Variants in SPRYD4 observed in about 807,000 individuals in gnomAD.
The protein encoded by SPRYD4 is SPRY domain-containing protein 4.
In SPRYD4, 12 loss-of-function variants were observed where a neutral mutation model predicts 16.6. The ratio of observed to expected loss-of-function variants is 0.72; its 90% CI spans 0.46 to 1.17. The LOEUF (loss-of-function observed/expected upper bound fraction) is 1.17, where lower values mean the gene tolerates loss of function less well. Ranked by LOEUF, SPRYD4 falls within the 50% of genes most tolerant of loss-of-function variation. The pLI, the probability that SPRYD4 is intolerant of heterozygous loss-of-function variation, is 0.00. For missense variants in SPRYD4, 260 were observed against 260.2 expected (o/e 1.00, Z 0.00); for synonymous variants, 98 against 105.4 (o/e 0.93, Z 0.43).
chr12:56,475,074 A>G lies in SPRYD4; in HGVS notation c.*5497A>G, dbSNP rs559523232. The G allele has an allele frequency of 6.2e-7, 1 of 1,614,182 alleles. No homozygotes were observed. Among genetic ancestry groups the G allele is most frequent in the Non-Finnish European group, 8.5e-7 (1 of 1,180,036 alleles). On this transcript the variant is annotated 3_prime_UTR_variant, in exon 2 of 2. Coordinates refer to ENST00000338146, the MANE Select transcript of SPRYD4 (RefSeq NM_207344.4). ...TTTCCTTGAGATAATAGCCGATGGC[A>G]TAATTCCGATCCCCTGTTTCCTTCT... is the stretch of plus-strand genomic sequence containing the variant.
chr12:56,474,575 A>AT lies in SPRYD4; in HGVS notation c.*4999dup. 1 of 1,614,174 alleles carries AT rather than the reference A, an allele frequency of 6.2e-7. No individual in the cohort carries two copies. ...GGCAAACTGGCCAGAGAAGTCATAC[A>AT]TGCCGCAGGAATGCATGAGGCTGAG... is the stretch of plus-strand genomic sequence containing the variant. On this transcript the variant is annotated 3_prime_UTR_variant, in exon 2 of 2. Transcript: ENST00000338146.
chr12:56,472,312 A>T lies in SPRYD4; in HGVS notation c.*2735A>T, dbSNP rs1294737948. The T allele has an allele frequency of 1.2e-6, 1 of 866,658 alleles. No homozygotes were observed. The highest frequency in any genetic ancestry group is 1.9e-6 in the Non-Finnish European group (1 of 528,210). 53.7% of individuals were successfully genotyped at this position (866,658 alleles called of 1,614,324 possible). ...AGAGAAAGTGAAACAGCCTATAGCCAGATTTGTTGGCTCTGAATAATCTTT... is the reference window on the plus strand; with the variant it reads ...AGAGAAAGTGAAACAGCCTATAGCCTGATTTGTTGGCTCTGAATAATCTTT... On this transcript the variant is annotated 3_prime_UTR_variant, in exon 2 of 2. Transcript: ENST00000338146.
In SPRYD4 at chr12:56,473,523, C is replaced by T; in HGVS notation, c.*3946C>T. ...GCTTGTCCAATGGGGGTGACAGGCA[C>T]ATCATTCCCATGACATTGGGTACCA... On this transcript the variant is annotated 3_prime_UTR_variant, in exon 2 of 2. Transcript: ENST00000338146. 1 of 1,613,812 alleles carries T rather than the reference C, an allele frequency of 6.2e-7. No homozygotes were observed. Among genetic ancestry groups the T allele is most frequent in the Non-Finnish European group, 8.5e-7 (1 of 1,180,024 alleles).
Position 56,476,054 on chromosome 12 carries a change from A to G in SPRYD4, c.*6477A>G, listed in dbSNP as rs1869781839. ...GGGAAGGGTCAGAAGGATCTAGTGG[A>G]GTTCTAGTGTTAGTCTGGTCCTGCT... is the stretch of plus-strand genomic sequence containing the variant. On this transcript the variant is annotated 3_prime_UTR_variant, in exon 2 of 2. Transcript: ENST00000338146. 2.1e-6 allele frequency: 3 copies of G among 1,411,646 alleles called. No homozygotes were observed. The highest frequency in any genetic ancestry group is 3.0e-6 in the Non-Finnish European group (3 of 1,008,222). 87.4% of individuals were successfully genotyped at this position (1,411,646 alleles called of 1,614,324 possible).
Position 56,471,608 on chromosome 12 carries a change from A to C in SPRYD4, c.*2031A>C. The C allele has an allele frequency of 1.2e-6, 2 of 1,614,146 alleles. No individual in the cohort carries two copies. The highest frequency in any genetic ancestry group is 2.2e-5 in the South Asian group (2 of 91,078). On this transcript the variant is annotated 3_prime_UTR_variant, in exon 2 of 2. Transcript: ENST00000338146. ...CAGTTTGACCACCTCCAGATGGTTGAACTGCACAGCATCATCCAGGGGAAT... is the reference window on the plus strand; with the variant it reads ...CAGTTTGACCACCTCCAGATGGTTGCACTGCACAGCATCATCCAGGGGAAT...
chr12:56,477,825 G>T lies in SPRYD4; in HGVS notation c.*8248G>T. The T allele has an allele frequency of 1.3e-6, 2 of 1,540,762 alleles. No individual in the cohort carries two copies. Among genetic ancestry groups the T allele is most frequent in the South Asian group, 1.2e-5 (1 of 83,398 alleles). On this transcript the variant is annotated 3_prime_UTR_variant, in exon 2 of 2. Transcript: ENST00000338146. ...GAAAGACTGCTAGGGAGAAAGGCAT[G>T]ACAGGGCTAATCAGGAAGGGCAGAG... is the stretch of plus-strand genomic sequence containing the variant.
At position 56,472,453 on chromosome 12, in the gene SPRYD4, A is replaced by G. The variant is rs1869369108; in HGVS notation, c.*2876A>G. 8.3e-6 allele frequency: 5 copies of G among 600,656 alleles called. No homozygotes were observed. In the Admixed American group the frequency reaches 1.5e-4, roughly 18 times the overall value. The allele number at this position is 600,656 out of a possible 1,614,324, so 37.2% of individuals were successfully genotyped here. ...AGTGCCCATTTGAGGCAGGGTACCT[A>G]CTTCCTAGGACACTGCTCTTAACAC... is the stretch of plus-strand genomic sequence containing the variant. On this transcript the variant is annotated 3_prime_UTR_variant, in exon 2 of 2. Transcript: ENST00000338146.
At position 56,473,311 on chromosome 12, in the gene SPRYD4, A is replaced by C. The variant is rs1163906757; in HGVS notation, c.*3734A>C. 2 of 1,614,030 alleles carry C rather than the reference A, an allele frequency of 1.2e-6. No individual in the cohort carries two copies. The highest frequency in any genetic ancestry group is 1.7e-6 in the Non-Finnish European group (2 of 1,180,034). ...TCATAGTTGTGGAAATTGAAGAGAG[A>C]CACCAACTTCTAGAATTGTAAGCCA... On this transcript the variant is annotated 3_prime_UTR_variant, in exon 2 of 2. Coordinates refer to ENST00000338146, the MANE Select transcript of SPRYD4 (RefSeq NM_207344.4).
At chr12:56,468,965 C>G in intron 1 of SPRYD4, 74 bp from the exon 2 acceptor site, 1 of 1,493,372 alleles carries the variant, frequency 6.7e-7, no homozygotes, top group Non-Finnish European at 9.0e-7. Flanking sequence ...GGCTGCCTGC[C>G]TCATATCTGA....
At position 56,475,618 on chromosome 12, in the gene SPRYD4, A is replaced by T. The variant is rs1226253125; in HGVS notation, c.*6041A>T. 1 of 1,613,836 alleles carries T rather than the reference A, an allele frequency of 6.2e-7. No individual in the cohort carries two copies. The highest frequency in any genetic ancestry group is 1.3e-5 in the African/African-American group (1 of 74,876). On this transcript the variant is annotated 3_prime_UTR_variant, in exon 2 of 2. Transcript: ENST00000338146. ...CTTTCAGTCAGTCCTCTGAGTAGGG[A>T]CTTACGTGGCATTGCTGAAACCCAT...
At position 56,478,097 on chromosome 12, in the gene SPRYD4, C is replaced by G; in HGVS notation, c.*8520C>G. On this transcript the variant is annotated 3_prime_UTR_variant, in exon 2 of 2. Coordinates refer to ENST00000338146, the MANE Select transcript of SPRYD4 (RefSeq NM_207344.4). ...GATCTTTGTGTGGCCCACAGAGTGC[C>G]TGGAGGCAGACAGATGCCATGAAAG... 1 of 1,614,032 alleles carries G rather than the reference C, an allele frequency of 6.2e-7. No individual in the cohort carries two copies. The highest frequency in any genetic ancestry group is 8.5e-7 in the Non-Finnish European group (1 of 1,179,926).
Position 56,473,132 on chromosome 12 carries a change from G to A in SPRYD4, c.*3555G>A, listed in dbSNP as rs1237405383. ...TCTTGATCTCCTGACCTTGTGATCC[G>A]CCCGCCTTGGCCTCTCAAAGTGCAG... is the stretch of plus-strand genomic sequence containing the variant. On this transcript the variant is annotated 3_prime_UTR_variant, in exon 2 of 2. Transcript: ENST00000338146. The A allele has an allele frequency of 3.7e-5, 41 of 1,094,018 alleles. No homozygotes were observed. The highest frequency in any genetic ancestry group is 3.1e-4 in the African/African-American group (20 of 63,940). The allele number at this position is 1,094,018 out of a possible 1,614,324, so 67.8% of individuals were successfully genotyped here.
Position 56,474,470 on chromosome 12 carries a change from A to G in SPRYD4, c.*4893A>G, listed in dbSNP as rs1364774447. 6.3e-7 allele frequency: 1 copy of G among 1,576,258 alleles called. No individual in the cohort carries two copies. Among genetic ancestry groups the G allele is most frequent in the African/African-American group, 1.3e-5 (1 of 74,510 alleles). On this transcript the variant is annotated 3_prime_UTR_variant, in exon 2 of 2. Transcript: ENST00000338146. ...GAGGCAGGAACAAGCTTCCACCTCT[A>G]TCTTGAGAGAGTCAGTGTTCTCTCT...
Position 56,469,516 on chromosome 12 carries a change from T to G in SPRYD4, c.563T>G (p.Phe188Cys). ...TTCCGGGGTCCAGTGGTGCCTGCCT[T>G]TGCTCTCTGGGATGGGGAGCTGCTG... The part of the protein sequence containing the change: ...TDFRGPVVPA[F>C]ALWDGELLTH... Residue 188 changes from phenylalanine to cysteine, a missense_variant, in exon 2 of 2, where the codon TTT (phenylalanine) becomes TGT (cysteine). By Grantham distance (205) the Phe-to-Cys change is radical. Transcript: ENST00000338146. 6.2e-7 allele frequency: 1 copy of G among 1,614,084 alleles called. No homozygotes were observed. The highest frequency in any genetic ancestry group is 8.5e-7 in the Non-Finnish European group (1 of 1,180,008).
At chr12:56,468,777 C>T (rs1869105486) in intron 1 of SPRYD4, 101 bp downstream of exon 1, 2 of 1,287,638 alleles carry the variant, frequency 1.6e-6, no homozygotes, top group Non-Finnish European at 2.2e-6. Context: ...CGGGTCTTTT[C>T]CTTCCCCACC....
Position 56,468,752 on chromosome 12 carries a change from C to T in SPRYD4, c.85+76C>T, listed in dbSNP as rs541484926. On this transcript the variant is annotated intron_variant, in intron 1 of 1. Transcript: ENST00000338146. ...TATTCCCAGACCCCACTCCGAGAAG[C>T]AACTCCAACCCTCTCGGGTCTTTTC... 430 of 1,470,156 alleles carry T rather than the reference C, an allele frequency of 2.9e-4. 1 individual carries two copies. The highest frequency in any genetic ancestry group is 7.5e-5 in the Non-Finnish European group (79 of 1,054,792). 91.1% of individuals were successfully genotyped at this position (1,470,156 alleles called of 1,614,324 possible). A position where few individuals can be genotyped will look rare whatever the true frequency, so the allele number is the denominator to read the frequency against.
chr12:56,474,682 G>A lies in SPRYD4; in HGVS notation c.*5105G>A. 3 of 1,612,700 alleles carry A rather than the reference G, an allele frequency of 1.9e-6. No homozygotes were observed. The highest frequency in any genetic ancestry group is 1.7e-6 in the Non-Finnish European group (2 of 1,179,042). ...CACCGTTGGCGAGGGTGGCTGCCAT[G>A]ACACTGCCTGATTCACAAGTGACCT... On this transcript the variant is annotated 3_prime_UTR_variant, in exon 2 of 2. Transcript: ENST00000338146.
chr12:56,477,236 C>G lies in SPRYD4; in HGVS notation c.*7659C>G, dbSNP rs1869902768. 1 of 155,228 alleles carries G rather than the reference C, an allele frequency of 6.4e-6. No homozygotes were observed. Among genetic ancestry groups the G allele is most frequent in the Non-Finnish European group, 1.4e-5 (1 of 70,154 alleles). The allele number at this position is 155,228 out of a possible 1,614,324, so 9.6% of individuals were successfully genotyped here. A position where few individuals can be genotyped will look rare whatever the true frequency, so the allele number is the denominator to read the frequency against. ...CCCTGTTCAAGGCCAACTCACAGTT[C>G]CAGGTGACGTGAATAACTGCCCTGG... On this transcript the variant is annotated 3_prime_UTR_variant, in exon 2 of 2. Coordinates refer to ENST00000338146, the MANE Select transcript of SPRYD4 (RefSeq NM_207344.4).
Position 56,469,254 on chromosome 12 carries a change from C to CGGATA in SPRYD4, c.305_309dup (p.Val104Ter). ...GACAGTGAAGCGCTCCCAGCAGTTC[C>CGGATA]GGATAGGAGTGGCAGATGTGGACAT... On this transcript the variant is annotated frameshift_variant, in exon 2 of 2. Coordinates refer to ENST00000338146, the MANE Select transcript of SPRYD4 (RefSeq NM_207344.4). LOFTEE classifies it high-confidence loss of function. The CGGATA allele has an allele frequency of 6.2e-7, 1 of 1,613,886 alleles. No individual in the cohort carries two copies. The highest frequency in any genetic ancestry group is 8.5e-7 in the Non-Finnish European group (1 of 1,179,866).
Sources: gnomAD v4.1 joint callset for allele counts on GRCh38, gnomAD v4.1.1 for gene constraint, MANE v1.5 for transcripts, NCBI Gene and HGNC (gene_info 2026-07-23, HGNC 2026-07-21) for gene names.